Variants in PIK3C2G observed in about 807,000 individuals in gnomAD.
The protein encoded by PIK3C2G is phosphatidylinositol 3-kinase C2 domain-containing subunit gamma.
Under a neutral mutation model 181.1 loss-of-function variants are expected in PIK3C2G, and 168 were observed. That is an observed-to-expected ratio of 0.93 (90% CI 0.82 to 1.05). The LOEUF is 1.05. Ranked by LOEUF, PIK3C2G falls within the 50% of genes least tolerant of loss-of-function variation. PIK3C2G has a pLI of 0.00. For missense variants in PIK3C2G, 1,869 were observed against 1,732.8 expected, an observed-to-expected ratio of 1.08 and a Z score of -1.40; for synonymous variants, 573 against 592.2, an observed-to-expected ratio of 0.97 and a Z score of 0.47.
In PIK3C2G at chr12:18,491,548, T is replaced by C. The variant is rs1014185521; in HGVS notation, c.2783T>C (p.Ile928Thr). 1.9e-6 allele frequency: 3 copies of C among 1,548,184 alleles called. No homozygotes were observed. Among genetic ancestry groups the C allele is most frequent in the African/African-American group, 1.4e-5 (1 of 73,528 alleles). Reference protein sequence around the residue: ...PLNPALCIKGIDHDACSYFTS... With the variant: ...PLNPALCIKGTDHDACSYFTS... ...AACCCTGCCCTATGTATAAAAGGGA[T>C]TGATCACGATGTAAGTCAACTTATT... Residue 928 changes from isoleucine (I) to threonine (T), a missense_variant, in exon 20 of 33, where the codon ATT becomes ACT. Transcript: ENST00000538779.
At chr12:18,488,392 T>A (rs7137852) in intron 18 of PIK3C2G, 57 bp from the exon 19 acceptor site, 2 of 1,211,258 alleles carry the variant, frequency 1.7e-6, no homozygotes, top group Non-Finnish European at 1.1e-6. Context: ...TCCGGCTGGA[T>A]GTGGTTTAAA....
chr12:18,297,437 A>G (rs1949988610), intron 5 of PIK3C2G, among the ~76,000 whole-genome samples: 1 of 152,074 alleles, frequency 6.6e-6, no homozygotes, highest in Non-Finnish European at 1.5e-5. Flanking sequence ...TTCATGAGGT[A>G]CATGTGATAT....
At chr12:18,652,668 G>A (rs771952578), downstream of PIK3C2G, among the ~76,000 whole-genome samples, 5 of 151,910 alleles carry the variant, frequency 3.3e-5, no homozygotes, top group South Asian at 2.1e-4. Flanking sequence ...ATGATAGAAT[G>A]GCACACCAGT....
At chr12:18,465,149 C>G (rs960492311) in intron 18 of PIK3C2G, among the ~76,000 whole-genome samples, 18 of 151,798 alleles carry the variant, frequency 1.2e-4, no homozygotes, top group African/African-American at 4.1e-4. Flanking sequence ...CTTTGAATAC[C>G]TCAGTCAAAA....
At chr12:18,455,876 T>C (rs1357092190) in intron 18 of PIK3C2G, among the ~76,000 whole-genome samples, 2 of 152,190 alleles carry the variant, frequency 1.3e-5, no homozygotes, top group African/African-American at 4.8e-5. Flanking sequence ...ATTCAGTTGA[T>C]AGCATTCACG....
chr12:18,562,984 A>G (rs749808318), intron 27 of PIK3C2G, 92 bp downstream of exon 27: 67 of 788,984 alleles, frequency 8.5e-5, no homozygotes, highest in Non-Finnish European at 1.3e-4. Flanking sequence ...CTTATAGCAT[A>G]ATTTTTTACT....
intron 32 of PIK3C2G, among the ~76,000 whole-genome samples, chr12:18,645,607 G>A (rs796175921): frequency 6.6e-6 from 1 of 152,056 alleles, no homozygotes; most frequent in Non-Finnish European, 1.5e-5. Flanking sequence ...AGAAACAACT[G>A]TTCCTTTTTG....
intron 11 of PIK3C2G, among the ~76,000 whole-genome samples, chr12:18,359,666 T>A (rs755744185): frequency 6.6e-6 from 1 of 152,204 alleles, no homozygotes; most frequent in Non-Finnish European, 1.5e-5. Context: ...AATTCTTATA[T>A]CTTCCTGGTC....
At chr12:18,481,596 T>C (rs1033806359) in intron 18 of PIK3C2G, among the ~76,000 whole-genome samples, 5 of 152,224 alleles carry the variant, frequency 3.3e-5, no homozygotes, top group African/African-American at 1.2e-4. Context: ...TGATAGTATG[T>C]ATATACTCAT....
At chr12:18,515,758 C>T (rs975723735) in intron 24 of PIK3C2G, among the ~76,000 whole-genome samples, 4 of 151,708 alleles carry the variant, frequency 2.6e-5, no homozygotes, top group African/African-American at 9.7e-5. Flanking sequence ...TAATTTGGGG[C>T]TTAGTTTGTT....
intron 30 of PIK3C2G, among the ~76,000 whole-genome samples, chr12:18,608,100 A>G (rs1948141898): frequency 6.6e-6 from 1 of 152,080 alleles, no homozygotes; most frequent in East Asian, 1.9e-4. Flanking sequence ...ACACTTTTAC[A>G]CTGTTGGTGG....
At chr12:18,646,799 C>A (rs1281037625) in intron 32 of PIK3C2G, among the ~76,000 whole-genome samples, 1 of 152,030 alleles carries the variant, frequency 6.6e-6, no homozygotes, top group Non-Finnish European at 1.5e-5. Flanking sequence ...TGATAAATAA[C>A]TAATTTCTTA....
At chr12:18,543,530 A>G (rs1944274120) in intron 25 of PIK3C2G, among the ~76,000 whole-genome samples, 2 of 151,814 alleles carry the variant, frequency 1.3e-5, no homozygotes, top group South Asian at 4.1e-4. Context: ...TGGGTTTTAT[A>G]TTTAAGTCTT....
At position 18,474,747 on chromosome 12, in the gene PIK3C2G, T is replaced by C. The variant is rs191296288; in HGVS notation, c.2505-13702T>C. ...AAATACTATTTTAGGAACAGTATTA[T>C]AGAATCCTTCTAAAGATAGAGCATG... On this transcript the variant is annotated intron_variant, in intron 18 of 32. Coordinates refer to ENST00000538779, the MANE Select transcript of PIK3C2G (RefSeq NM_001288772.2). Among the ~76,000 whole-genome samples, 33 of 152,278 alleles carry C rather than the reference T, an allele frequency of 2.2e-4. 1 individual carries two copies. Among genetic ancestry groups the C allele is most frequent in the Admixed American group, 2.0e-3 (30 of 15,280 alleles).
intron 18 of PIK3C2G, among the ~76,000 whole-genome samples, chr12:18,477,228 G>A (rs1332439169): frequency 6.6e-6 from 1 of 152,082 alleles, no homozygotes; most frequent in Non-Finnish European, 1.5e-5. Context: ...GTCACCTTGG[G>A]AGTTAGGGCT....
chr12:18,301,243 C>G (rs1287484605), intron 5 of PIK3C2G, among the ~76,000 whole-genome samples: 1 of 152,034 alleles, frequency 6.6e-6, no homozygotes, highest in Non-Finnish European at 1.5e-5. Context: ...ATATAGATTT[C>G]TAAATCCCTA....
rs77145344 is a variant in PIK3C2G at position 18,425,545 on chromosome 12, C to T, written c.2504+1506C>T. Among the ~76,000 whole-genome samples, 263 of 151,960 alleles carry T rather than the reference C, an allele frequency of 1.7e-3. 3 individuals are homozygous for T. The East Asian group carries it at 0.044, about 25-fold the overall frequency. On this transcript the variant is annotated intron_variant, in intron 18 of 32. Coordinates refer to ENST00000538779, the MANE Select transcript of PIK3C2G (RefSeq NM_001288772.2). ...TAGCTGGGACTACAGGCACACACCA[C>T]CACGCCTGGCTAATTTTTGTATTTT... is the stretch of plus-strand genomic sequence containing the variant.
chr12:18,311,014 G>C (rs534583804), intron 5 of PIK3C2G, among the ~76,000 whole-genome samples: 28 of 151,902 alleles, frequency 1.8e-4, no homozygotes, highest in Non-Finnish European at 3.5e-4. Flanking sequence ...TCCAGAAAAA[G>C]GGAAAGGGAA....
At chr12:18,590,863 A>G (rs1311170346) in intron 29 of PIK3C2G, among the ~76,000 whole-genome samples, 1 of 151,950 alleles carries the variant, frequency 6.6e-6, no homozygotes, top group Non-Finnish European at 1.5e-5. Context: ...AGTCATCCAC[A>G]CCCAGAATTA....
Sources: gnomAD v4.1 joint callset for allele counts (sites outside exome capture counted in the v4.1 genomes callset) on GRCh38, gnomAD v4.1.1 for gene constraint, MANE v1.5 for transcripts, NCBI Gene and HGNC (gene_info 2026-07-23, HGNC 2026-07-21) for gene names.